Variants in KCNAB1 observed in about 807,000 individuals in gnomAD.
KCNAB1 encodes voltage-gated potassium channel subunit beta-1.
A neutral mutation model predicts 64.6 loss-of-function variants in KCNAB1; 35 were observed. The observed-to-expected ratio is 0.54, with a 90% confidence interval of 0.41 to 0.72. KCNAB1 has a LOEUF of 0.72. KCNAB1 is among the 30% of genes least tolerant of loss of function. The probability of loss-of-function intolerance (pLI) is 0.00; values close to 1 mark genes in which losing one functional copy is unlikely to be tolerated. For missense variants in KCNAB1, 401 were observed against 512.9 expected, an observed-to-expected ratio of 0.78 and a Z score of 2.11; for synonymous variants, 177 against 183.8, an observed-to-expected ratio of 0.96 and a Z score of 0.30.
chr3:156,377,966 G>A (rs1286517260), intron 1 of KCNAB1, among the ~76,000 whole-genome samples: 2 of 152,106 alleles, frequency 1.3e-5, no homozygotes, highest in South Asian at 2.1e-4. Context: ...GTAAGTCTCC[G>A]GGGAGGTGCT....
chr3:156,390,040 T>C (rs1162189130), intron 1 of KCNAB1, among the ~76,000 whole-genome samples: 2 of 152,336 alleles, frequency 1.3e-5, no homozygotes, highest in East Asian at 3.9e-4. Context: ...ACAAACTACA[T>C]ACCATCTTGC....
At chr3:156,140,450 C>T (rs190182168) in intron 1 of KCNAB1, among the ~76,000 whole-genome samples, 3 of 152,154 alleles carry the variant, frequency 2.0e-5, no homozygotes, top group African/African-American at 7.2e-5. Context: ...GGCCGCTGCT[C>T]TCTCCTTCCA....
intron 4 of KCNAB1, among the ~76,000 whole-genome samples, 176 bp downstream of exon 4, chr3:156,457,708 G>T (rs1712552968): frequency 6.6e-6 from 1 of 152,064 alleles, no homozygotes; most frequent in Non-Finnish European, 1.5e-5. Flanking sequence ...ACTGTCTCTG[G>T]CACTCTCTGC....
intron 1 of KCNAB1, among the ~76,000 whole-genome samples, chr3:156,413,694 A>G (rs1405338300): frequency 6.6e-6 from 1 of 152,214 alleles, no homozygotes; most frequent in Non-Finnish European, 1.5e-5. Context: ...GAAGAAAGTC[A>G]TAAGTGAGTA....
chr3:156,219,899 G>A (rs920241516), intron 1 of KCNAB1, among the ~76,000 whole-genome samples: 2 of 151,264 alleles, frequency 1.3e-5, no homozygotes, highest in African/African-American at 4.9e-5. Flanking sequence ...CCCAGTGTGT[G>A]ATGTTCCCAG....
At chr3:156,420,039 T>G (rs1715363730) in intron 1 of KCNAB1, among the ~76,000 whole-genome samples, 1 of 152,266 alleles carries the variant, frequency 6.6e-6, no homozygotes, top group Admixed American at 6.5e-5. Context: ...TGGTTCAAAA[T>G]ATTTTCCACA....
chr3:156,380,654 G>A (rs1443992512), intron 1 of KCNAB1, among the ~76,000 whole-genome samples: 1 of 152,070 alleles, frequency 6.6e-6, no homozygotes, highest in Non-Finnish European at 1.5e-5. Flanking sequence ...TTGGGAATGA[G>A]GTATAATTTC....
intron 1 of KCNAB1, among the ~76,000 whole-genome samples, chr3:156,130,572 A>C (rs75746289): frequency 0.013 from 1,917 of 152,382 alleles, 22 homozygotes; most frequent in South Asian, 0.023. Flanking sequence ...TTAGCCAGTT[A>C]AGCATGTGAT....
intron 1 of KCNAB1, among the ~76,000 whole-genome samples, chr3:156,185,321 C>T (rs1713116070): frequency 6.6e-6 from 1 of 152,180 alleles, no homozygotes; most frequent in South Asian, 2.1e-4. Flanking sequence ...CCTGTTACCT[C>T]CATAGCTACC....
intron 1 of KCNAB1, among the ~76,000 whole-genome samples, chr3:156,261,373 T>G (rs1444706703): frequency 1.3e-5 from 2 of 152,182 alleles, no homozygotes; most frequent in East Asian, 3.9e-4. Flanking sequence ...GTTTTAACTC[T>G]TAACTTTAGG....
At chr3:156,193,900 T>G (rs1338604639) in intron 1 of KCNAB1, among the ~76,000 whole-genome samples, 3 of 152,194 alleles carry the variant, frequency 2.0e-5, no homozygotes, top group Non-Finnish European at 4.4e-5. Flanking sequence ...TAACTTACAG[T>G]GGATTTATTG....
intron 1 of KCNAB1, among the ~76,000 whole-genome samples, chr3:156,241,679 G>A (rs1717172828): frequency 6.6e-6 from 1 of 152,034 alleles, no homozygotes; most frequent in Non-Finnish European, 1.5e-5. Flanking sequence ...CCCTTCCCTA[G>A]CACCTGGGAG....
chr3:156,138,874 C>T (rs115127806), intron 1 of KCNAB1, among the ~76,000 whole-genome samples: 2,656 of 151,804 alleles, frequency 0.017, 48 homozygotes, highest in South Asian at 0.033. Context: ...CCCAGAGCTG[C>T]GTGAGCTTCT....
chr3:156,297,285 T>A (rs1207016346), intron 1 of KCNAB1, among the ~76,000 whole-genome samples: 3 of 138,750 alleles, frequency 2.2e-5, no homozygotes, highest in Non-Finnish European at 3.2e-5. Flanking sequence ...TTTTTTTTTT[T>A]ACTCAGAGGG....
intron 1 of KCNAB1, among the ~76,000 whole-genome samples, chr3:156,339,346 A>G (rs1426536902): frequency 6.6e-6 from 1 of 152,188 alleles, no homozygotes; most frequent in South Asian, 2.1e-4. Flanking sequence ...TTGGGACCCA[A>G]GATAATAACA....
intron 1 of KCNAB1, among the ~76,000 whole-genome samples, chr3:156,145,574 A>G (rs1317306611): frequency 6.6e-6 from 1 of 152,130 alleles, no homozygotes; most frequent in East Asian, 1.9e-4. Flanking sequence ...CCCCCTCAGG[A>G]AAAAGAGGGT....
chr3:156,273,557 A>T (rs1460919545), intron 1 of KCNAB1: 1 of 456,568 alleles, frequency 2.2e-6, no homozygotes, highest in East Asian at 7.0e-5. Context: ...AAGCACACAG[A>T]TGCTCTTTCC....
chr3:156,387,014 C>CTTTTTT (rs1194708289), intron 1 of KCNAB1, among the ~76,000 whole-genome samples: 7 of 90,522 alleles, frequency 7.7e-5, no homozygotes, highest in South Asian at 3.4e-4. Flanking sequence ...TTCTCTCTCT[C>CTTTTTT]TTTTTTTTTT....
chr3:156,295,850 A>G (rs1426118092), intron 1 of KCNAB1, among the ~76,000 whole-genome samples: 2 of 152,210 alleles, frequency 1.3e-5, no homozygotes, highest in Admixed American at 6.5e-5. Context: ...TATCATTTCT[A>G]TGTATTGGGA....
Sources: allele counts gnomAD v4.1 joint callset (sites outside exome capture counted in the v4.1 genomes callset), GRCh38; gene constraint gnomAD v4.1.1; transcripts MANE v1.5; gene names NCBI Gene and HGNC (gene_info 2026-07-23, HGNC 2026-07-21).